The following CDC27 variants were observed in gnomAD, a reference collection of about 807,000 sequenced individuals.
The protein encoded by CDC27 is cell division cycle protein 27 homolog.
Under a neutral mutation model 109.7 loss-of-function variants are expected in CDC27, and 27 were observed. The ratio of observed to expected loss-of-function variants is 0.25; its 90% CI spans 0.18 to 0.34. The LOEUF (loss-of-function observed/expected upper bound fraction) is 0.34, where lower values mean the gene tolerates loss of function less well. CDC27 is among the 10% of genes least tolerant of loss of function. The pLI, the probability that CDC27 is intolerant of heterozygous loss-of-function variation, is 1.00. For synonymous variants in CDC27, 266 were observed against 333.9 expected (o/e 0.80, Z 2.22); for missense variants, 579 against 960.2 (o/e 0.60, Z 5.25).
At position 47,132,353 on chromosome 17, in the gene CDC27, A is replaced by G. The variant is rs775374788; in HGVS notation, c.1935T>C (p.Tyr645=). The G allele has an allele frequency of 1.4e-5, 22 of 1,591,280 alleles. No individual in the cohort carries two copies. Among genetic ancestry groups the G allele is most frequent in the Non-Finnish European group, 8.6e-7 (1 of 1,161,652 alleles). The change falls in exon 15 of 19, where the codon TAT becomes TAC. Residue 645 remains tyrosine (Y), a synonymous_variant. Coordinates refer to ENST00000066544, the MANE Select transcript of CDC27 (RefSeq NM_001256.6). ...CAAGGCTGAATTTTTCTTGCTTGTA[A>G]TAAATCATTCCTAAACCATACCTGA... ...YNAWYGLGMI[Y]YKQEKFSLAE... is the part of the protein sequence containing the mutation.
rs549631476 is a variant in CDC27 at position 47,148,210 on chromosome 17, A to G, written c.1070+3596T>C. 1.5e-4 allele frequency among the ~76,000 whole-genome samples: 23 copies of G among 151,896 alleles called. No individual in the cohort carries two copies. In the East Asian group the frequency reaches 2.5e-3, roughly 17 times the overall value. ...CGAGACTCTATCTCAAAAAAAAAAA[A>G]AAAGAAAGAAAGAAAACCAAATCAA... On this transcript the variant is annotated intron_variant, in intron 9 of 18. Coordinates refer to ENST00000066544, the MANE Select transcript of CDC27 (RefSeq NM_001256.6).
At chr17:47,163,309 G>C (rs1009449297) in intron 4 of CDC27, among the ~76,000 whole-genome samples, 2 of 152,152 alleles carry the variant, frequency 1.3e-5, no homozygotes, top group African/African-American at 4.8e-5. Flanking sequence ...TAGATTACTA[G>C]GTGCAATTCT....
intron 2 of CDC27, among the ~76,000 whole-genome samples, chr17:47,179,630 G>A (rs1436245350): frequency 2.0e-5 from 3 of 152,168 alleles, no homozygotes; most frequent in East Asian, 1.9e-4. Flanking sequence ...TAGAATTATT[G>A]TTATTATTAC....
At chr17:47,125,797 C>G (rs2062121573) in intron 16 of CDC27, among the ~76,000 whole-genome samples, 1 of 152,138 alleles carries the variant, frequency 6.6e-6, no homozygotes, top group South Asian at 2.1e-4. Flanking sequence ...CCGCCTCAGC[C>G]TCCCAAAGTG....
chr17:47,189,003 G>A (rs879080240), intron 1 of CDC27, 143 bp downstream of exon 1: 1 of 1,499,608 alleles, frequency 6.7e-7, no homozygotes, highest in South Asian at 1.2e-5. Flanking sequence ...CCTCCGAACT[G>A]ACTAAAGATA....
chr17:47,159,460 C>A, intron 4 of CDC27: 2 of 635,618 alleles, frequency 3.1e-6, no homozygotes, highest in East Asian at 3.0e-5. Context: ...CGTGCCAAGA[C>A]GATGCCCGTG....
chr17:47,144,876 C>G (rs1296090431), intron 9 of CDC27, among the ~76,000 whole-genome samples: 1 of 150,858 alleles, frequency 6.6e-6, no homozygotes, highest in Non-Finnish European at 1.5e-5. Context: ...GTATATCACA[C>G]ACACACACAC....
intron 15 of CDC27, among the ~76,000 whole-genome samples, chr17:47,129,837 T>C (rs559126451): frequency 3.3e-5 from 5 of 152,332 alleles, no homozygotes; most frequent in Admixed American, 3.3e-4. Context: ...ATCAATAGTC[T>C]ATCTTTAGAG....
At chr17:47,150,306 G>A (rs984904140) in intron 9 of CDC27, among the ~76,000 whole-genome samples, 7 of 152,210 alleles carry the variant, frequency 4.6e-5, no homozygotes, top group African/African-American at 1.7e-4. Flanking sequence ...CCCAGTACAT[G>A]TCAATGTGAT....
intron 14 of CDC27, among the ~76,000 whole-genome samples, chr17:47,134,237 C>T (rs1269216619): frequency 6.6e-6 from 1 of 150,968 alleles, no homozygotes; most frequent in Non-Finnish European, 1.5e-5. Context: ...CAAGCAAAAA[C>T]AATCAAATCA....
At chr17:47,186,252 C>T (rs7222028) in intron 1 of CDC27, among the ~76,000 whole-genome samples, 2,753 of 152,314 alleles carry the variant, frequency 0.018, 76 homozygotes, top group African/African-American at 0.064. Context: ...CTAAATTTCT[C>T]ATTGAGTAGC....
intron 2 of CDC27, 54 bp from the exon 3 acceptor site, chr17:47,172,118 C>A: frequency 3.3e-6 from 4 of 1,214,904 alleles, no homozygotes; most frequent in South Asian, 1.8e-5. Flanking sequence ...GAATGATAAT[C>A]AGTTTATCAT....
intron 4 of CDC27, among the ~76,000 whole-genome samples, chr17:47,163,170 T>C (rs1394664365): frequency 6.6e-6 from 1 of 152,162 alleles, no homozygotes; most frequent in African/African-American, 2.4e-5. Context: ...GAATCAGACT[T>C]AGTATCAGTT....
intron 5 of CDC27, among the ~76,000 whole-genome samples, chr17:47,157,678 T>C (rs566941753): frequency 1.4e-4 from 22 of 152,202 alleles, no homozygotes; most frequent in Non-Finnish European, 2.6e-4. Flanking sequence ...TGAAAATAAC[T>C]AGATCTCATT....
At chr17:47,163,847 C>T (rs1469779267) in intron 4 of CDC27, among the ~76,000 whole-genome samples, 2 of 152,210 alleles carry the variant, frequency 1.3e-5, no homozygotes, top group East Asian at 3.8e-4. Context: ...TCACTGCAAC[C>T]TCTGCCTCCT....
chr17:47,171,527 C>G (rs2063812528), intron 3 of CDC27, among the ~76,000 whole-genome samples: 1 of 152,152 alleles, frequency 6.6e-6, no homozygotes, highest in African/African-American at 2.4e-5. Context: ...AAAAGAAGTA[C>G]TCAATAAAAT....
intron 12 of CDC27, 137 bp downstream of exon 12, chr17:47,141,716 T>C (rs1173898655): frequency 6.2e-6 from 3 of 480,832 alleles, no homozygotes; most frequent in African/African-American, 4.1e-5. Context: ...AAATTATAAA[T>C]ACTGACAAAA....
At chr17:47,135,264 T>G (rs112546992) in intron 14 of CDC27, among the ~76,000 whole-genome samples, 255 of 152,300 alleles carry the variant, frequency 1.7e-3, no homozygotes, top group African/African-American at 5.7e-3. Flanking sequence ...GCTCCTATAC[T>G]TATAGACCTC....
chr17:47,127,987 T>A lies in CDC27; in HGVS notation c.2160+1406A>T, dbSNP rs11570561. Among the ~76,000 whole-genome samples the A allele has an allele frequency of 4.1e-4, 62 of 152,118 alleles. 1 individual carries two copies. In the South Asian group the frequency reaches 0.011, roughly 28 times the overall value. ...CTCCAAAGTGACGGGATTATAGGGATTTTTATTAGTATTAAAAAAAAGTTA... is the reference window on the plus strand; with the variant it reads ...CTCCAAAGTGACGGGATTATAGGGAATTTTATTAGTATTAAAAAAAAGTTA... On this transcript the variant is annotated intron_variant, in intron 16 of 18. Coordinates refer to ENST00000066544, the MANE Select transcript of CDC27 (RefSeq NM_001256.6).
Sources: allele counts gnomAD v4.1 joint callset (sites outside exome capture counted in the v4.1 genomes callset), GRCh38; gene constraint gnomAD v4.1.1; transcripts MANE v1.5; gene names NCBI Gene and HGNC (gene_info 2026-07-23, HGNC 2026-07-21).